Variants in CCDC12 observed in about 807,000 individuals in gnomAD.
CCDC12 encodes coiled-coil domain-containing protein 12.
In CCDC12, 28 loss-of-function variants were observed where a neutral mutation model predicts 25.7. The observed-to-expected ratio is 1.09, with a 90% CI of 0.81 to 1.50. The LOEUF (loss-of-function observed/expected upper bound fraction) is 1.50. CCDC12 is among the 40% of genes most tolerant of loss of function. The pLI is 0.00. For missense variants in CCDC12, 198 were observed against 210.0 expected (o/e 0.94, Z 0.35); for synonymous variants, 75 against 87.7 (o/e 0.86, Z 0.81).
chr3:46,964,068 G>A (rs1360389872), intron 1 of CCDC12, among the ~76,000 whole-genome samples: 19 of 149,318 alleles, frequency 1.3e-4, no homozygotes, highest in Non-Finnish European at 2.2e-4. Flanking sequence ...TTGCCCCGCC[G>A]CCCCGTCTGG....
At chr3:46,949,142 T>C (rs2034018754) in intron 1 of CCDC12, among the ~76,000 whole-genome samples, 1 of 152,058 alleles carries the variant, frequency 6.6e-6, no homozygotes, top group Admixed American at 6.5e-5. Flanking sequence ...AAGGGGGTGG[T>C]GACCCACAGG....
At position 46,933,277 on chromosome 3, in the gene CCDC12, A is replaced by AG. The variant is rs2033305140; in HGVS notation, c.164+7720dup. On this transcript the variant is annotated intron_variant, in intron 2 of 6. Coordinates refer to ENST00000683445, the MANE Select transcript of CCDC12 (RefSeq NM_001277074.2). ...CCTAAAAATTACAATTTTAGGTCAC[A>AG]GGTCTTAGAGGCAGAAGGAGCTTCA... Among the ~76,000 whole-genome samples the AG allele has an allele frequency of 2.0e-5, 3 of 152,342 alleles. No homozygotes were observed. The South Asian group carries it at 6.2e-4, about 32-fold the overall frequency.
At chr3:46,941,101 A>C (rs2033684462) in intron 1 of CCDC12, 36 bp from the exon 2 acceptor site, 1 of 1,605,442 alleles carries the variant, frequency 6.2e-7, no homozygotes, top group Non-Finnish European at 8.5e-7. Flanking sequence ...AGCTCAGTTG[A>C]AAGCTCCTAC....
At chr3:46,962,768 G>T (rs969152849) in intron 1 of CCDC12, among the ~76,000 whole-genome samples, 1 of 152,168 alleles carries the variant, frequency 6.6e-6, no homozygotes, top group Non-Finnish European at 1.5e-5. Context: ...ATACAGTGCT[G>T]GTCAGAGTGC....
At chr3:46,968,780 G>C (rs571436713) in intron 1 of CCDC12, among the ~76,000 whole-genome samples, 9 of 152,340 alleles carry the variant, frequency 5.9e-5, no homozygotes, top group African/African-American at 2.2e-4. Context: ...GAGAGGTGTA[G>C]AGGGATAGAA....
intron 2 of CCDC12, among the ~76,000 whole-genome samples, chr3:46,930,316 C>T (rs1407044360): frequency 6.6e-6 from 1 of 152,226 alleles, no homozygotes; most frequent in African/African-American, 2.4e-5. Flanking sequence ...CAGCAGAAGA[C>T]TGTGGCAGGG....
intron 1 of CCDC12, chr3:46,976,205 C>T: frequency 3.3e-6 from 2 of 608,370 alleles, no homozygotes; most frequent in Non-Finnish European, 4.2e-6. Context: ...CACTTGCTGC[C>T]CTGTCCAAGG....
intron 1 of CCDC12, among the ~76,000 whole-genome samples, chr3:46,949,714 C>T (rs1027493328): frequency 3.9e-5 from 6 of 152,174 alleles, no homozygotes; most frequent in African/African-American, 1.2e-4. Context: ...TACAGGGTCC[C>T]GCATGACCCT....
intron 2 of CCDC12, among the ~76,000 whole-genome samples, chr3:46,934,887 T>C (rs1277480000): frequency 3.3e-5 from 5 of 152,238 alleles, no homozygotes; most frequent in Non-Finnish European, 7.3e-5. Flanking sequence ...CCCTGGTCGG[T>C]ACCACTACGG....
rs2032701391 is a variant in CCDC12, at chr3:46,922,057, T to C, written c.501A>G (p.Ter167TrpextTer44). The C allele has an allele frequency of 1.9e-6, 3 of 1,613,854 alleles. No homozygotes were observed. The highest frequency in any genetic ancestry group is 2.2e-5 in the East Asian group (1 of 44,896). The part of the protein sequence containing the change: ...ATEQKTCDSD[*>W] ...GGCGAGTGGTGGGGCAGGGCATGCC[T>C]CAGTCGGAGTCACAGGTCTTTTGTT... Residue 167 changes from the stop codon to tryptophan, a stop_lost, in exon 7 of 7, where the codon TGA becomes TGG. Transcript: ENST00000683445.
At chr3:46,945,085 T>C (rs1347720061) in intron 1 of CCDC12, among the ~76,000 whole-genome samples, 1 of 152,198 alleles carries the variant, frequency 6.6e-6, no homozygotes, top group African/African-American at 2.4e-5. Flanking sequence ...CCAGTGCATA[T>C]CAGGGTCTGA....
chr3:46,925,205 C>G, intron 3 of CCDC12: 1 of 671,496 alleles, frequency 1.5e-6, no homozygotes, highest in Non-Finnish European at 2.7e-6. Context: ...ACTCAGATCC[C>G]TGGGAGGCCT....
intron 1 of CCDC12, among the ~76,000 whole-genome samples, chr3:46,959,666 T>C (rs2034406234): frequency 6.6e-6 from 1 of 152,094 alleles, no homozygotes; most frequent in African/African-American, 2.4e-5. Flanking sequence ...GTGCAGAGAA[T>C]ATGAATCCAA....
intron 2 of CCDC12, among the ~76,000 whole-genome samples, chr3:46,931,265 G>C (rs573292917): frequency 1.3e-5 from 2 of 152,182 alleles, no homozygotes; most frequent in Non-Finnish European, 2.9e-5. Flanking sequence ...GCAGGAGCCC[G>C]GGACATGGGC....
chr3:46,952,642 G>C (rs569376042), intron 1 of CCDC12, among the ~76,000 whole-genome samples: 8 of 152,116 alleles, frequency 5.3e-5, no homozygotes, highest in Non-Finnish European at 1.2e-4. Context: ...GGGCAGTGCC[G>C]AACCCAAATG....
intron 1 of CCDC12, among the ~76,000 whole-genome samples, chr3:46,941,568 A>G (rs2107139635): frequency 6.6e-6 from 1 of 151,322 alleles, no homozygotes; most frequent in Admixed American, 6.6e-5. Flanking sequence ...CCATCTCAAA[A>G]AAAAAAAAAA....
intron 1 of CCDC12, among the ~76,000 whole-genome samples, chr3:46,948,518 GA>G (rs1163749435): frequency 6.6e-6 from 1 of 152,222 alleles, no homozygotes; most frequent in African/African-American, 2.4e-5. Flanking sequence ...AGGCGCCTTT[GA>G]CAAAAAGGTG....
intron 1 of CCDC12, among the ~76,000 whole-genome samples, chr3:46,954,030 T>G (rs1408830996): frequency 6.6e-6 from 1 of 152,152 alleles, no homozygotes; most frequent in Non-Finnish European, 1.5e-5. Context: ...ATAAGGTCCA[T>G]GCAGATTGGA....
intron 2 of CCDC12, among the ~76,000 whole-genome samples, chr3:46,934,674 C>T (rs1027042581): frequency 6.6e-6 from 1 of 152,202 alleles, no homozygotes; most frequent in Non-Finnish European, 1.5e-5. Flanking sequence ...TCACCATCTT[C>T]CTTAAACCAG....
Sources: gnomAD v4.1 joint callset for allele counts (sites outside exome capture counted in the v4.1 genomes callset) on GRCh38, gnomAD v4.1.1 for gene constraint, MANE v1.5 for transcripts, NCBI Gene and HGNC (gene_info 2026-07-23, HGNC 2026-07-21) for gene names.